Variants in CALD1 observed in about 807,000 individuals in gnomAD.
CALD1 encodes caldesmon.
In CALD1, 33 loss-of-function variants were observed where a neutral mutation model predicts 99.9. The ratio of observed to expected loss-of-function variants is 0.33; its 90% CI spans 0.25 to 0.44. The LOEUF is 0.44. CALD1 is among the 20% of genes least tolerant of loss of function. The pLI, the probability that CALD1 is intolerant of heterozygous loss-of-function variation, is 1.00. For synonymous variants in CALD1, 310 were observed against 325.0 expected (o/e 0.95, Z 0.50); for missense variants, 861 against 962.1 (o/e 0.89, Z 1.39).
rs578032758 is a variant in CALD1 at position 134,955,840 on chromosome 7, T to C, written c.1936-2229T>C. Among the ~76,000 whole-genome samples, 33 of 152,308 alleles carry C rather than the reference T, an allele frequency of 2.2e-4. No homozygotes were observed. In the South Asian group the frequency reaches 3.7e-3, roughly 17 times the overall value. On this transcript the variant is annotated intron_variant, in intron 9 of 14. Transcript: ENST00000361675. ...TTTATATAGAAGGTACTGAGTATAT[T>C]ATTTATTGGCTAATTGTTTGGCTGA...
intron 2 of CALD1, among the ~76,000 whole-genome samples, chr7:134,845,282 A>AAATG (rs1042459313): frequency 2.0e-5 from 3 of 152,200 alleles, no homozygotes; most frequent in African/African-American, 4.8e-5. Flanking sequence ...AATATTTATT[A>AAATG]AATGAATGAA....
rs189495292 is a variant in CALD1, at chr7:134,758,739, G to A, written c.-130+14376G>A. Among the ~76,000 whole-genome samples the A allele has an allele frequency of 1.6e-3, 239 of 152,242 alleles. 1 individual carries two copies. The highest frequency in any genetic ancestry group is 5.5e-3 in the African/African-American group (229 of 41,540). ...TATTCCTCAAAGGGATGCTGGGAAG[G>A]AGACTCCCCTTATTGCTATTCTCAT... On this transcript the variant is annotated intron_variant, in intron 1 of 13. Coordinates refer to the CALD1 transcript ENST00000417172.
chr7:134,845,934 G>T (rs1166458811), intron 2 of CALD1, among the ~76,000 whole-genome samples: 4 of 152,178 alleles, frequency 2.6e-5, no homozygotes, highest in Admixed American at 1.3e-4. Context: ...GACCTATTTT[G>T]TTCCTTCTCT....
chr7:134,934,432 G>A (rs968137456), intron 5 of CALD1, among the ~76,000 whole-genome samples: 3 of 152,126 alleles, frequency 2.0e-5, no homozygotes, highest in Non-Finnish European at 4.4e-5. Flanking sequence ...ATCTAAACTC[G>A]TTCTTTTAAT....
intron 3 of CALD1, among the ~76,000 whole-genome samples, chr7:134,925,121 G>A (rs1804904723): frequency 6.6e-6 from 1 of 152,078 alleles, no homozygotes; most frequent in Non-Finnish European, 1.5e-5. Context: ...CCTAGAAAAT[G>A]GGCTCCCAAT....
the CALD1 span, among the ~76,000 whole-genome samples, chr7:134,733,398 A>G: frequency 6.6e-6 from 1 of 152,248 alleles, no homozygotes; most frequent in Admixed American, 6.5e-5. Flanking sequence ...TAGAAGCCAC[A>G]GAACTGTTTT....
intron 1 of CALD1, among the ~76,000 whole-genome samples, chr7:134,828,177 T>C (rs1012458617): frequency 6.6e-6 from 1 of 152,194 alleles, no homozygotes; most frequent in African/African-American, 2.4e-5. Flanking sequence ...TATTAGGTTA[T>C]ATGGAAATAA....
At chr7:134,901,986 G>T (rs1213278662) in intron 3 of CALD1, among the ~76,000 whole-genome samples, 2 of 152,048 alleles carry the variant, frequency 1.3e-5, no homozygotes, top group African/African-American at 4.8e-5. Flanking sequence ...TGGAGGTGGA[G>T]TATACAATTT....
At chr7:134,797,287 GA>G (rs1434352863) in intron 1 of CALD1, among the ~76,000 whole-genome samples, 1 of 152,202 alleles carries the variant, frequency 6.6e-6, no homozygotes, top group Admixed American at 6.5e-5. Flanking sequence ...ACCCGACCCA[GA>G]AAACTTTTTT....
At chr7:134,793,739 G>A (rs769650970) in intron 1 of CALD1, among the ~76,000 whole-genome samples, 1 of 152,022 alleles carries the variant, frequency 6.6e-6, no homozygotes, top group Non-Finnish European at 1.5e-5. Flanking sequence ...TGGAGTGGAT[G>A]CTTATTCTAT....
intron 7 of CALD1, among the ~76,000 whole-genome samples, chr7:134,944,842 G>C (rs1375715527): frequency 6.6e-6 from 1 of 152,194 alleles, no homozygotes; most frequent in Non-Finnish European, 1.5e-5. Context: ...ATTCTGCTTA[G>C]TGAAGTCCCA....
chr7:134,830,076 GA>G (rs34049484), intron 1 of CALD1, among the ~76,000 whole-genome samples: 28 of 146,880 alleles, frequency 1.9e-4, no homozygotes, highest in Admixed American at 1.2e-3. Context: ...GTTTGCTGAG[GA>G]AAAAAAAAAG....
At chr7:134,944,035 G>A (rs1584635686) in intron 7 of CALD1, among the ~76,000 whole-genome samples, 2 of 152,062 alleles carry the variant, frequency 1.3e-5, no homozygotes, top group Non-Finnish European at 2.9e-5. Flanking sequence ...GTGTTTTGCC[G>A]GTCCAGTTCC....
In CALD1 at chr7:134,783,043, C is replaced by T. The variant is rs1282979918; in HGVS notation, c.-130+3294C>T. ...TGAGCATAAGACCAGTGAGAAAGTG[C>T]TGACAACAGAAAGCCCTTAAGTAAT... On this transcript the variant is annotated intron_variant, in intron 1 of 14. Coordinates refer to ENST00000361675, the MANE Select transcript of CALD1 (RefSeq NM_033138.4). This position sits in a 1 kb window ranked among gnomAD's most constrained non-coding sequence, Gnocchi z 4.3. Among the ~76,000 whole-genome samples the T allele has an allele frequency of 6.6e-6, 1 of 152,158 alleles. No individual in the cohort carries two copies. The highest frequency in any genetic ancestry group is 2.4e-5 in the African/African-American group (1 of 41,438).
At chr7:134,801,613 T>TTCTC (rs148788199) in intron 1 of CALD1, among the ~76,000 whole-genome samples, 10 of 150,650 alleles carry the variant, frequency 6.6e-5, no homozygotes, top group African/African-American at 2.4e-4. Flanking sequence ...TCACATTTTC[T>TTCTC]TCTCTCTCTC....
intron 1 of CALD1, among the ~76,000 whole-genome samples, chr7:134,826,630 C>T (rs1470812827): frequency 6.6e-6 from 1 of 151,348 alleles, no homozygotes; most frequent in Non-Finnish European, 1.5e-5. Flanking sequence ...TGATAACAGA[C>T]ATTTTACTGA....
At chr7:134,794,016 T>C (rs1265832397) in intron 1 of CALD1, among the ~76,000 whole-genome samples, 1 of 152,198 alleles carries the variant, frequency 6.6e-6, no homozygotes, top group Non-Finnish European at 1.5e-5. Context: ...CAGACTGGAC[T>C]GCAGCTCACA....
chr7:134,720,156 C>T, the CALD1 span, among the ~76,000 whole-genome samples: 3 of 149,702 alleles, frequency 2.0e-5, no homozygotes, highest in Non-Finnish European at 4.4e-5. Context: ...TTGTTAGTGA[C>T]GACAGTGGCA....
intron 3 of CALD1, among the ~76,000 whole-genome samples, chr7:134,922,379 C>G (rs1325216024): frequency 6.6e-6 from 1 of 152,122 alleles, no homozygotes; most frequent in Non-Finnish European, 1.5e-5. Context: ...ACTATTGCCA[C>G]AATTTTACTT....
Sources: allele counts gnomAD v4.1 joint callset (sites outside exome capture counted in the v4.1 genomes callset), GRCh38; gene constraint gnomAD v4.1.1; non-coding constraint Gnocchi (gnomAD v3.1); transcripts MANE v1.5; gene names NCBI Gene and HGNC (gene_info 2026-07-23, HGNC 2026-07-21).